Variants in LRRC40 observed in about 807,000 individuals in gnomAD.
LRRC40 encodes leucine rich repeat containing 40, also known as leucine-rich repeat-containing protein 40.
LRRC40 carries 76 observed loss-of-function variants against 72.8 expected under a neutral mutation model. That is an observed-to-expected ratio of 1.04 (90% CI 0.87 to 1.26). LRRC40 has a LOEUF of 1.26. Among genes scored for constraint, LRRC40 ranks in the 50% most tolerant of loss-of-function variants. The pLI is 0.00. For synonymous variants in LRRC40, 243 were observed against 254.2 expected (o/e 0.96, Z 0.42); for missense variants, 684 against 698.9 (o/e 0.98, Z 0.24).
intron 2 of LRRC40, among the ~76,000 whole-genome samples, chr1:70,187,860 A>AAGAGAAGAGAAGAGAAGAGAAGAGG (rs1668401261): frequency 6.6e-6 from 1 of 151,120 alleles, no homozygotes; most frequent in Non-Finnish European, 1.5e-5. Context: ...AAGAGAAGAG[A>AAGAGAAGAGAAGAGAAGAGAAGAGG]AGAGAAGAGA....
At chr1:70,146,422 C>T (rs1011994863) in intron 14 of LRRC40, among the ~76,000 whole-genome samples, 9 of 152,158 alleles carry the variant, frequency 5.9e-5, no homozygotes, top group Admixed American at 1.3e-4. Context: ...GTGAAAGGTA[C>T]TGAGCCAAGT....
chr1:70,189,015 T>G, intron 2 of LRRC40, 77 bp downstream of exon 2: 2 of 1,293,924 alleles, frequency 1.5e-6, no homozygotes, highest in Non-Finnish European at 2.1e-6. Flanking sequence ...ACATGAAAGG[T>G]TTTCTGCTAC....
At chr1:70,173,023 C>T (rs975962542) in intron 9 of LRRC40, among the ~76,000 whole-genome samples, 21 of 151,916 alleles carry the variant, frequency 1.4e-4, no homozygotes, top group African/African-American at 5.1e-4. Context: ...CATGTTCTTG[C>T]TAAATTAACA....
chr1:70,173,571 T>C (rs1176157720), intron 8 of LRRC40, 51 bp downstream of exon 8: 4 of 1,490,188 alleles, frequency 2.7e-6, no homozygotes, highest in Non-Finnish European at 3.7e-6. Context: ...CAGATCAACA[T>C]ATATGTCTGA....
chr1:70,159,279 C>A (rs967175290), intron 10 of LRRC40, 51 bp downstream of exon 10: 45 of 807,366 alleles, frequency 5.6e-5, no homozygotes, highest in Non-Finnish European at 7.8e-5. Context: ...GCCTGGGCAA[C>A]ACAGTAAGAC....
At chr1:70,157,575 C>T (rs548068361) in intron 10 of LRRC40, among the ~76,000 whole-genome samples, 2 of 152,068 alleles carry the variant, frequency 1.3e-5, no homozygotes, top group African/African-American at 4.8e-5. Context: ...GCATATGTAC[C>T]TAGTACAACA....
In LRRC40 at chr1:70,173,756, T is replaced by C. The variant is rs766275832; in HGVS notation, c.978-47A>G. On this transcript the variant is annotated intron_variant, in intron 7 of 14. Transcript: ENST00000370952. ...TCAGGGAAAGCATCAAATATAAGTATACTCCAACCATAGTTAACTATAAAA... is the reference window on the plus strand; with the variant it reads ...TCAGGGAAAGCATCAAATATAAGTACACTCCAACCATAGTTAACTATAAAA... The C allele has an allele frequency of 1.8e-5, 16 of 904,174 alleles. No individual in the cohort carries two copies. The South Asian group carries it at 2.7e-4, about 15-fold the overall frequency. 56.0% of individuals were successfully genotyped at this position (904,174 alleles called of 1,614,324 possible).
intron 1 of LRRC40, among the ~76,000 whole-genome samples, chr1:70,202,903 A>G (rs2100359755): frequency 6.6e-6 from 1 of 152,204 alleles, no homozygotes; most frequent in East Asian, 1.9e-4. Flanking sequence ...CATTATTATT[A>G]TTTTAGAGAC....
chr1:70,183,765 G>C (rs1234301370), intron 4 of LRRC40, among the ~76,000 whole-genome samples: 3 of 151,918 alleles, frequency 2.0e-5, no homozygotes, highest in Non-Finnish European at 2.9e-5. Flanking sequence ...TGTTTTCCAG[G>C]CTGGTCTCGA....
chr1:70,168,103 C>T (rs147076733), intron 9 of LRRC40, among the ~76,000 whole-genome samples: 2 of 152,162 alleles, frequency 1.3e-5, no homozygotes, highest in Non-Finnish European at 2.9e-5. Flanking sequence ...TCCCTCTCCC[C>T]CAACCCTCCA....
intron 10 of LRRC40, among the ~76,000 whole-genome samples, chr1:70,158,790 T>G (rs1390815617): frequency 6.6e-6 from 1 of 152,162 alleles, no homozygotes; most frequent in African/African-American, 2.4e-5. Flanking sequence ...TCTTATTTAC[T>G]AACATAGACA....
chr1:70,146,909 TTAAG>T (rs1225879151), intron 14 of LRRC40: 1 of 152,194 alleles, frequency 6.6e-6, no homozygotes, highest in East Asian at 1.9e-4. Context: ...TTTTTAACAG[TTAAG>T]TGTTTATGTA....
At chr1:70,192,690 T>C (rs571860346) in intron 1 of LRRC40, among the ~76,000 whole-genome samples, 3 of 152,256 alleles carry the variant, frequency 2.0e-5, no homozygotes, top group Admixed American at 2.0e-4. Flanking sequence ...TGGAGGCTAT[T>C]ATCCTTAGCA....
In LRRC40 at chr1:70,205,514, C is replaced by T; in HGVS notation, c.27G>A (p.Gly9=). The part of the protein sequence containing the change: MSRLKRIA[G]QDLRAGFKAG... ...CTTTGAAACCAGCGCGGAGATCCTGCCCCGCTATCCGCTTCAGGCGCGACA... is the reference window on the plus strand; with the variant it reads ...CTTTGAAACCAGCGCGGAGATCCTGTCCCGCTATCCGCTTCAGGCGCGACA... The change falls in exon 1 of 15, where the codon GGG becomes GGA. Residue 9 remains glycine (G), a synonymous_variant. Coordinates refer to ENST00000370952, the MANE Select transcript of LRRC40 (RefSeq NM_017768.5). The T allele has an allele frequency of 6.3e-7, 1 of 1,599,930 alleles. No individual in the cohort carries two copies. Among genetic ancestry groups the T allele is most frequent in the Non-Finnish European group, 8.6e-7 (1 of 1,168,992 alleles).
At position 70,189,193 on chromosome 1, in the gene LRRC40, A is replaced by G; in HGVS notation, c.232T>C (p.Trp78Arg). The G allele has an allele frequency of 6.2e-7, 1 of 1,613,340 alleles. No individual in the cohort carries two copies. Among genetic ancestry groups the G allele is most frequent in the South Asian group, 1.1e-5 (1 of 91,064 alleles). ...TTGGTCAAATCTGTCTGCTCCCACCATCTTTCAGTAGCACCAAACGAAAGA... is the reference window on the plus strand; with the variant it reads ...TTGGTCAAATCTGTCTGCTCCCACCGTCTTTCAGTAGCACCAAACGAAAGA... ...QNLSFGATER[W>R]WEQTDLTKLI... The change falls in exon 2 of 15, where the codon TGG (tryptophan) becomes CGG (arginine). Residue 78 changes from tryptophan (W) to arginine (R), a missense_variant. Transcript: ENST00000370952.
chr1:70,181,132 A>G lies in LRRC40; in HGVS notation c.615T>C (p.Ser205=), dbSNP rs779778966. The change falls in exon 5 of 15, where the codon TCT becomes TCC. Residue 205 remains serine, a synonymous_variant. Coordinates refer to ENST00000370952, the MANE Select transcript of LRRC40 (RefSeq NM_017768.5). ...SLSSLVRLNL[S]SNELKSLPAE... ...CTGGCAAACTCTTCAGTTCATTACTAGAAAGATTGAGTCGCACCAGACTGG... is the reference window on the plus strand; with the variant it reads ...CTGGCAAACTCTTCAGTTCATTACTGGAAAGATTGAGTCGCACCAGACTGG... 6.3e-7 allele frequency: 1 copy of G among 1,596,856 alleles called. No individual in the cohort carries two copies. Among genetic ancestry groups the G allele is most frequent in the Non-Finnish European group, 8.6e-7 (1 of 1,168,418 alleles).
Position 70,181,159 on chromosome 1 carries a change from C to G in LRRC40, c.588G>C (p.Leu196=). The G allele has an allele frequency of 6.3e-7, 1 of 1,595,270 alleles. No individual in the cohort carries two copies. Among genetic ancestry groups the G allele is most frequent in the Non-Finnish European group, 8.5e-7 (1 of 1,171,906 alleles). ...AAAGATTGAGTCGCACCAGACTGGACAGAGAAGAAAAACTAGCAGGAACAG... is the reference window on the plus strand; with the variant it reads ...AAAGATTGAGTCGCACCAGACTGGAGAGAGAAGAAAAACTAGCAGGAACAG... ...LTTVPASFSS[L]SSLVRLNLSS... Residue 196 remains leucine (L), a synonymous_variant, in exon 5 of 15, where the codon CTG becomes CTC. Coordinates refer to ENST00000370952, the MANE Select transcript of LRRC40 (RefSeq NM_017768.5).
intron 14 of LRRC40, among the ~76,000 whole-genome samples, chr1:70,146,520 G>C (rs1281993473): frequency 6.6e-6 from 1 of 152,042 alleles, no homozygotes; most frequent in Non-Finnish European, 1.5e-5. Context: ...TAATAGATGA[G>C]GAAATACAAA....
chr1:70,164,902 A>G (rs543496220), intron 9 of LRRC40, among the ~76,000 whole-genome samples: 1 of 152,338 alleles, frequency 6.6e-6, no homozygotes, highest in Non-Finnish European at 1.5e-5. Context: ...GAACAAGTAA[A>G]TAACTATCAG....
Sources: allele counts gnomAD v4.1 joint callset (sites outside exome capture counted in the v4.1 genomes callset), GRCh38; gene constraint gnomAD v4.1.1; transcripts MANE v1.5; gene names NCBI Gene and HGNC (gene_info 2026-07-23, HGNC 2026-07-21).